PMPCA: variants seen among roughly 807,000 people sequenced by gnomAD.
PMPCA encodes the protein peptidase, mitochondrial processing subunit alpha.
PMPCA carries 47 observed loss-of-function variants against 59.3 expected under a neutral mutation model. The ratio of observed to expected loss-of-function variants is 0.79; its 90% CI spans 0.63 to 1.01. PMPCA has a LOEUF of 1.01. Ranked by LOEUF, PMPCA falls within the 50% of genes least tolerant of loss-of-function variation. The probability of loss-of-function intolerance (pLI) is 0.00; values close to 1 mark genes in which losing one functional copy is unlikely to be tolerated. For missense variants in PMPCA, 726 were observed against 704.5 expected, an observed-to-expected ratio of 1.03 and a Z score of -0.34; for synonymous variants, 338 against 290.3, an observed-to-expected ratio of 1.16 and a Z score of -1.67.
intron 8 of PMPCA, 39 bp downstream of exon 8, chr9:136,418,148 A>G (rs1835336053): frequency 3.5e-6 from 5 of 1,430,038 alleles, no homozygotes; most frequent in Non-Finnish European, 4.9e-6. Flanking sequence ...TTCCTGATGC[A>G]GTGTGGCCGG....
rs756007261 is a variant in PMPCA at position 136,418,821 on chromosome 9, C to T, written c.1110-7C>T. The T allele has an allele frequency of 1.8e-5, 29 of 1,608,402 alleles. No individual in the cohort carries two copies. Among genetic ancestry groups the T allele is most frequent in the Admixed American group, 3.3e-5 (2 of 60,002 alleles). ...CCTTCACTCCCATGACTCTCGCTTCCTCCCAGGCACCACTGGATGTATAAC... is the reference window on the plus strand; with the variant it reads ...CCTTCACTCCCATGACTCTCGCTTCTTCCCAGGCACCACTGGATGTATAAC... On this transcript the variant is annotated splice_polypyrimidine_tract_variant and splice_region_variant and intron_variant, in intron 9 of 12. Transcript: ENST00000371717.
Position 136,418,051 on chromosome 9 carries a change from C to A in PMPCA, c.932C>A (p.Pro311Gln). ...GACATGTCCAATGTCAGCCTGGGCC[C>A]GACCCCCATCCCCGAGCTCACGCAC... Reference protein sequence around the residue: ...ERDMSNVSLGPTPIPELTHIM... With the variant: ...ERDMSNVSLGQTPIPELTHIM... Residue 311 changes from proline to glutamine, a missense_variant, in exon 8 of 13, where the codon CCG becomes CAG. By Grantham distance (76) the Pro-to-Gln change is moderately conservative. Coordinates refer to ENST00000371717, the MANE Select transcript of PMPCA (RefSeq NM_015160.3). 6.2e-7 allele frequency: 1 copy of A among 1,613,818 alleles called. No homozygotes were observed. Among genetic ancestry groups the A allele is most frequent in the Non-Finnish European group, 8.5e-7 (1 of 1,179,676 alleles).
intron 11 of PMPCA, 82 bp from the exon 12 acceptor site, chr9:136,421,750 T>A: frequency 7.6e-7 from 1 of 1,311,250 alleles, no homozygotes; most frequent in Non-Finnish European, 1.1e-6. Context: ...GGCACAGAGA[T>A]GGCGTTTTGC....
At chr9:136,414,329 G>A (rs958645694) in intron 4 of PMPCA, among the ~76,000 whole-genome samples, 6 of 152,210 alleles carry the variant, frequency 3.9e-5, no homozygotes, top group African/African-American at 2.4e-5. Context: ...GGTAGGAGGT[G>A]TCCCCTGGCA....
Position 136,421,950 on chromosome 9 carries a change from T to G in PMPCA, c.1382T>G (p.Leu461Arg). 6.2e-7 allele frequency: 1 copy of G among 1,612,898 alleles called. No individual in the cohort carries two copies. The highest frequency in any genetic ancestry group is 1.1e-5 in the South Asian group (1 of 91,030). ...RQVLATRSRK[L>R]PHELCTLIRN... ...GTGCTGGCCACTCGCTCCAGAAAGC[T>G]GCCGCACGAGCTGTGCACGCTCATC... The change falls in exon 12 of 13, where the codon CTG becomes CGG. Residue 461 changes from leucine to arginine, a missense_variant. By Grantham distance (102) the Leu-to-Arg change is moderately radical. Coordinates refer to ENST00000371717, the MANE Select transcript of PMPCA (RefSeq NM_015160.3).
In PMPCA at chr9:136,418,539, C is replaced by T. The variant is rs779453597; in HGVS notation, c.991-16C>T. ...GGCGTGGGTGGTTCAGCCAGCTCTG[C>T]CCTCCGTCCCTGCAGGAGGAGGACT... On this transcript the variant is annotated splice_polypyrimidine_tract_variant and intron_variant, in intron 8 of 12. Transcript: ENST00000371717. 3.3e-6 allele frequency: 5 copies of T among 1,508,988 alleles called. No homozygotes were observed. The highest frequency in any genetic ancestry group is 2.8e-6 in the Non-Finnish European group (3 of 1,084,876). 93.5% of individuals were successfully genotyped at this position (1,508,988 alleles called of 1,614,324 possible).
At chr9:136,419,436 G>A (rs900213676) in intron 11 of PMPCA, 20 of 469,060 alleles carry the variant, frequency 4.3e-5, no homozygotes, top group Admixed American at 6.8e-5. Flanking sequence ...CTTTGCTGGC[G>A]AAACGCTGCA....
At chr9:136,420,116 A>T (rs1171300218) in intron 11 of PMPCA, 2 of 142,558 alleles carry the variant, frequency 1.4e-5, no homozygotes, top group African/African-American at 2.9e-5. Context: ...AGTAGCTGGG[A>T]TTACAGGCAT....
chr9:136,410,876 G>A, intron 1 of PMPCA, 137 bp downstream of exon 1: 1 of 656,186 alleles, frequency 1.5e-6, no homozygotes, highest in South Asian at 6.1e-5. Flanking sequence ...TGTCCCCGAG[G>A]CGACGGGGGC....
intron 1 of PMPCA, chr9:136,410,994 T>C: frequency 2.6e-6 from 1 of 383,778 alleles, no homozygotes; most frequent in Non-Finnish European, 4.6e-6. Context: ...ACGGGCCTTC[T>C]CCGAGGCCAT....
At chr9:136,414,736 A>C in intron 5 of PMPCA, 89 bp downstream of exon 5, 2 of 800,024 alleles carry the variant, frequency 2.5e-6, no homozygotes, top group South Asian at 2.7e-5. Context: ...CATGAGGGAG[A>C]GCACCATGTA....
intron 7 of PMPCA, among the ~76,000 whole-genome samples, chr9:136,417,530 T>G (rs1433228550): frequency 1.3e-5 from 2 of 150,954 alleles, no homozygotes; most frequent in African/African-American, 4.9e-5. Context: ...TGGAGTGCAG[T>G]GGTGCAATCT....
chr9:136,419,012 C>G, intron 10 of PMPCA, 32 bp from the exon 11 acceptor site: 1 of 1,608,908 alleles, frequency 6.2e-7, no homozygotes, highest in African/African-American at 1.3e-5. Flanking sequence ...CAGGCGCAGG[C>G]CACACTGTTA....
intron 8 of PMPCA, 109 bp downstream of exon 8, chr9:136,418,218 G>A (rs1310296527): frequency 1.1e-5 from 9 of 811,958 alleles, no homozygotes; most frequent in East Asian, 2.4e-5. Flanking sequence ...GGGCGTGGGC[G>A]GCTCAGCCAG....
chr9:136,418,169 C>CACA, intron 8 of PMPCA, 60 bp downstream of exon 8: 1 of 1,220,890 alleles, frequency 8.2e-7, no homozygotes, highest in Non-Finnish European at 1.2e-6. Flanking sequence ...CTCAGCCAGC[C>CACA]CTGCCCTCTG....
chr9:136,416,539 T>G (rs1373084740), intron 6 of PMPCA, 148 bp downstream of exon 6: 1 of 695,650 alleles, frequency 1.4e-6, no homozygotes, highest in Admixed American at 2.0e-5. Context: ...ATGAGGTTTC[T>G]CCACATTGCC....
intron 11 of PMPCA, chr9:136,420,737 T>C (rs930862768): frequency 1.3e-5 from 2 of 152,192 alleles, no homozygotes; most frequent in Non-Finnish European, 2.9e-5. Flanking sequence ...GAAATAAATA[T>C]GAAGTATTTA....
chr9:136,415,099 G>A (rs1347694664), intron 5 of PMPCA, among the ~76,000 whole-genome samples: 1 of 152,060 alleles, frequency 6.6e-6, no homozygotes, highest in Non-Finnish European at 1.5e-5. Context: ...AAAAAAGAAA[G>A]AAAGGAAAAA....
At chr9:136,418,950 C>T (rs770271427) in intron 10 of PMPCA, 32 bp downstream of exon 10, 20 of 1,605,118 alleles carry the variant, frequency 1.2e-5, no homozygotes, top group Admixed American at 1.7e-5. Context: ...GTCCTCAGTG[C>T]GGTTGCCTGT....
Sources: allele counts gnomAD v4.1 joint callset (sites outside exome capture counted in the v4.1 genomes callset), GRCh38; gene constraint gnomAD v4.1.1; transcripts MANE v1.5; gene names NCBI Gene and HGNC (gene_info 2026-07-23, HGNC 2026-07-21).